Variants in STIMATE observed in about 807,000 individuals in gnomAD.
STIMATE encodes STIM activating enhancer.
A neutral mutation model predicts 36.7 loss-of-function variants in STIMATE; 15 were observed. The ratio of observed to expected loss-of-function variants is 0.41; its 90% CI spans 0.27 to 0.63. STIMATE has a LOEUF of 0.63. Among genes scored for constraint, STIMATE ranks in the 20% least tolerant of loss-of-function variants. STIMATE has a pLI of 0.32. For synonymous variants in STIMATE, 163 were observed against 162.3 expected, an observed-to-expected ratio of 1.00 and a Z score of -0.03; for missense variants, 305 against 397.3, an observed-to-expected ratio of 0.77 and a Z score of 1.98.
intron 1 of STIMATE, among the ~76,000 whole-genome samples, chr3:52,892,021 G>A (rs917031114): frequency 7.2e-5 from 11 of 152,230 alleles, no homozygotes; most frequent in Admixed American, 5.9e-4. Flanking sequence ...ACATGGCAGA[G>A]CGAAGCAGAC....
intron 1 of STIMATE, among the ~76,000 whole-genome samples, chr3:52,857,595 C>T (rs1449957873): frequency 6.6e-6 from 1 of 151,962 alleles, no homozygotes; most frequent in Non-Finnish European, 1.5e-5. Flanking sequence ...TGTTCCTAGG[C>T]GATGCATGCT....
At chr3:52,883,538 C>G (rs981957765) in intron 1 of STIMATE, among the ~76,000 whole-genome samples, 5 of 152,162 alleles carry the variant, frequency 3.3e-5, no homozygotes, top group African/African-American at 1.2e-4. Context: ...ATTTTTCTGC[C>G]TTTTCCTCCC....
chr3:52,860,139 A>C (rs552159288), intron 1 of STIMATE, among the ~76,000 whole-genome samples: 1 of 139,768 alleles, frequency 7.2e-6, no homozygotes, highest in East Asian at 2.1e-4. Context: ...AAAAAAAAAA[A>C]CAGAAAAATT....
intron 3 of STIMATE, 123 bp downstream of exon 3, chr3:52,852,480 G>A (rs1701021599): frequency 8.4e-7 from 1 of 1,197,106 alleles, no homozygotes; most frequent in Non-Finnish European, 1.2e-6. Flanking sequence ...GAGGAGCACA[G>A]AGGAAAAGGG....
chr3:52,896,265 C>T (rs1170775665), intron 1 of STIMATE, among the ~76,000 whole-genome samples: 1 of 152,214 alleles, frequency 6.6e-6, no homozygotes, highest in African/African-American at 2.4e-5. Flanking sequence ...TCTGCAGGAA[C>T]TCTCCACTCT....
chr3:52,866,196 A>G (rs181804754), intron 1 of STIMATE, among the ~76,000 whole-genome samples: 1 of 152,242 alleles, frequency 6.6e-6, no homozygotes, highest in Non-Finnish European at 1.5e-5. Context: ...GTGCCAACTC[A>G]CACTCCCACT....
At chr3:52,859,502 CAA>C (rs34298807) in intron 1 of STIMATE, among the ~76,000 whole-genome samples, 1 of 15,646 alleles carries the variant, frequency 6.4e-5, no homozygotes, top group African/African-American at 2.1e-4. Context: ...CCCATTTCTC[CAA>C]AAAAAAAAAA....
Position 52,861,653 on chromosome 3 carries a change from C to T in STIMATE, c.161-6209G>A, listed in dbSNP as rs77770054. Reference sequence around the variant, plus strand: ...TGAACATGTGCTCAGGAGAGCATGCCTCACTGTGGAGTCCCCACCCTGCAC... The same window carrying T: ...TGAACATGTGCTCAGGAGAGCATGCTTCACTGTGGAGTCCCCACCCTGCAC... On this transcript the variant is annotated intron_variant, in intron 1 of 7. Transcript: ENST00000355083. Among the ~76,000 whole-genome samples the T allele has an allele frequency of 2.2e-4, 33 of 152,290 alleles. No homozygotes were observed. The East Asian group carries it at 5.8e-3, about 27-fold the overall frequency.
intron 7 of STIMATE, 53 bp from the exon 8 acceptor site, chr3:52,840,663 T>C: frequency 6.4e-7 from 1 of 1,557,438 alleles, no homozygotes; most frequent in South Asian, 1.1e-5. Flanking sequence ...GCCTTCTTCA[T>C]TTGCCCTCCC....
rs199765986 is a variant in STIMATE at position 52,840,536 on chromosome 3, C to T, written c.843G>A (p.Lys281=). Residue 281 remains lysine (K), a synonymous_variant, in exon 8 of 8, where the codon AAG becomes AAA. Coordinates refer to ENST00000355083, the MANE Select transcript of STIMATE (RefSeq NM_198563.5). ...AGCGGTGCTTCTTTTTCTTCACAGG[C>T]TTGAGGGGGGTCAGTCTGCGGAGGT... The part of the protein sequence containing the change: ...EEDLRRLTPL[K]PVKKKKHRFG... 1 of 1,614,026 alleles carries T rather than the reference C, an allele frequency of 6.2e-7. No individual in the cohort carries two copies. Among genetic ancestry groups the T allele is most frequent in the Non-Finnish European group, 8.5e-7 (1 of 1,179,966 alleles).
Position 52,836,857 on chromosome 3 carries a change from A to T in STIMATE, c.*3637T>A, listed in dbSNP as rs1700709942. The T allele has an allele frequency of 7.6e-6, 2 of 262,162 alleles. No individual in the cohort carries two copies. The highest frequency in any genetic ancestry group is 1.6e-5 in the Non-Finnish European group (2 of 127,626). 16.2% of individuals were successfully genotyped at this position (262,162 alleles called of 1,614,324 possible). A position where few individuals can be genotyped will look rare whatever the true frequency, so the allele number is the denominator to read the frequency against. ...CCATGAATCCTACCACCACCGATTA[A>T]GCACCCCCACTGGATGGCTGCTGAA... On this transcript the variant is annotated 3_prime_UTR_variant, in exon 8 of 8. Coordinates refer to ENST00000355083, the MANE Select transcript of STIMATE (RefSeq NM_198563.5).
rs1438505396 is a variant in STIMATE at position 52,840,690 on chromosome 3, C to T, written c.769-80G>A. ...TGCCCTCCCTGGACCCTGGGCCCTT[C>T]AAGTCTCATGTTTTTTTTTTTTTTT... is the stretch of plus-strand genomic sequence containing the variant. On this transcript the variant is annotated intron_variant, in intron 7 of 7. Transcript: ENST00000355083. 3 of 1,093,946 alleles carry T rather than the reference C, an allele frequency of 2.7e-6. No individual in the cohort carries two copies. The Admixed American group carries it at 7.6e-5, about 28-fold the overall frequency. The allele number at this position is 1,093,946 out of a possible 1,614,324, so 67.8% of individuals were successfully genotyped here. A position where few individuals can be genotyped will look rare whatever the true frequency, so the allele number is the denominator to read the frequency against.
chr3:52,851,550 T>A (rs1204768364), intron 3 of STIMATE, among the ~76,000 whole-genome samples: 2 of 152,252 alleles, frequency 1.3e-5, no homozygotes, highest in African/African-American at 4.8e-5. Context: ...TTCTCCTGCC[T>A]GCCCTTCCTC....
At chr3:52,847,297 C>T in intron 4 of STIMATE, 1 of 1,182,206 alleles carries the variant, frequency 8.5e-7, no homozygotes, top group Non-Finnish European at 1.1e-6. Flanking sequence ...CAGTAGAAGT[C>T]ACAGCAATAG....
intron 1 of STIMATE, among the ~76,000 whole-genome samples, chr3:52,870,359 T>C (rs573801710): frequency 7.9e-5 from 12 of 152,128 alleles, no homozygotes; most frequent in Admixed American, 3.3e-4. Context: ...CCACGATCAC[T>C]GGTGGTTGTA....
In STIMATE at chr3:52,842,970, G is replaced by A. The variant is rs1373531304; in HGVS notation, c.619-10C>T. 6.2e-7 allele frequency: 1 copy of A among 1,613,866 alleles called. No individual in the cohort carries two copies. On this transcript the variant is annotated splice_polypyrimidine_tract_variant and intron_variant, in intron 6 of 7. Transcript: ENST00000355083. ...CCCAAAACATCAAAGCCTGTGGGAA[G>A]GAAAAGTGCAGGTTACTTTGGGATA...
chr3:52,842,102 C>T (rs1276571819), intron 7 of STIMATE, among the ~76,000 whole-genome samples: 1 of 152,262 alleles, frequency 6.6e-6, no homozygotes, highest in East Asian at 1.9e-4. Context: ...ATGTGTCCAC[C>T]TGCACCTCAC....
At chr3:52,879,929 A>G (rs566260618) in intron 1 of STIMATE, among the ~76,000 whole-genome samples, 1 of 152,290 alleles carries the variant, frequency 6.6e-6, no homozygotes, top group South Asian at 2.1e-4. Flanking sequence ...AAGCCACCAG[A>G]GCCTCTGGAA....
In STIMATE at chr3:52,838,243, C is replaced by G. The variant is rs1012958597; in HGVS notation, c.*2251G>C. On this transcript the variant is annotated 3_prime_UTR_variant, in exon 8 of 8. Coordinates refer to ENST00000355083, the MANE Select transcript of STIMATE (RefSeq NM_198563.5). ...GGGCAAAGCCTTCAGATGAGACCAT[C>G]TGAGATCTATATAACCCAGGGTTTG... is the stretch of plus-strand genomic sequence containing the variant. The G allele has an allele frequency of 1.3e-5, 2 of 152,202 alleles. No homozygotes were observed. The highest frequency in any genetic ancestry group is 2.9e-5 in the Non-Finnish European group (2 of 68,064). The allele number at this position is 152,202 out of a possible 1,614,324, so 9.4% of individuals were successfully genotyped here.
Sources: allele counts gnomAD v4.1 joint callset (sites outside exome capture counted in the v4.1 genomes callset), GRCh38; gene constraint gnomAD v4.1.1; transcripts MANE v1.5; gene names NCBI Gene and HGNC (gene_info 2026-07-23, HGNC 2026-07-21).